DNAJC24: variants seen among roughly 807,000 people sequenced by gnomAD.
DNAJC24 encodes DnaJ heat shock protein family (Hsp40) member C24.
Under a neutral mutation model 18.0 loss-of-function variants are expected in DNAJC24, and 17 were observed. That is an observed-to-expected ratio of 0.94 (90% CI 0.65 to 1.42). DNAJC24 has a LOEUF of 1.42. Ranked by LOEUF, DNAJC24 falls within the 40% of genes most tolerant of loss-of-function variation. The probability of loss-of-function intolerance (pLI) is 0.00; values close to 1 mark genes in which losing one functional copy is unlikely to be tolerated. For synonymous variants in DNAJC24, 55 were observed against 57.7 expected, an observed-to-expected ratio of 0.95 and a Z score of 0.21; for missense variants, 158 against 175.6, an observed-to-expected ratio of 0.90 and a Z score of 0.57.
intron 2 of DNAJC24, among the ~76,000 whole-genome samples, chr11:31,400,294 A>G (rs966977992): frequency 1.3e-5 from 2 of 152,190 alleles, no homozygotes; most frequent in Non-Finnish European, 2.9e-5. Flanking sequence ...TTGCTGGGTC[A>G]AATGGTATTT....
At chr11:31,396,343 C>T (rs1277720538) in intron 2 of DNAJC24, 1 of 452,020 alleles carries the variant, frequency 2.2e-6, no homozygotes, top group East Asian at 7.0e-5. Flanking sequence ...TGACCCTCTT[C>T]ACTTACAAGG....
intron 4 of DNAJC24, among the ~76,000 whole-genome samples, chr11:31,429,289 A>G (rs1952895433): frequency 6.6e-6 from 1 of 151,730 alleles, no homozygotes. Flanking sequence ...GCTGAACTTG[A>G]TAAGAGAGCA....
At chr11:31,421,670 G>T (rs1483534300) in intron 3 of DNAJC24, among the ~76,000 whole-genome samples, 2 of 152,116 alleles carry the variant, frequency 1.3e-5, no homozygotes, top group South Asian at 2.1e-4. Flanking sequence ...GATAGAAAAG[G>T]TTTCCTGGGA....
chr11:31,378,370 T>C (rs1952339491), intron 2 of DNAJC24, among the ~76,000 whole-genome samples: 1 of 151,872 alleles, frequency 6.6e-6, no homozygotes, highest in Admixed American at 6.6e-5. Flanking sequence ...GGAGACTCTA[T>C]CATAAACAAT....
At chr11:31,425,060 C>T (rs1441453364) in intron 3 of DNAJC24, among the ~76,000 whole-genome samples, 1 of 151,876 alleles carries the variant, frequency 6.6e-6, no homozygotes, top group Non-Finnish European at 1.5e-5. Context: ...AAGACAAATG[C>T]TTCCCATCTT....
chr11:31,426,937 T>G (rs1487326985), intron 4 of DNAJC24: 1 of 152,062 alleles, frequency 6.6e-6, no homozygotes, highest in Non-Finnish European at 1.5e-5. Context: ...ATTTTAGAAC[T>G]TAAATTCAAT....
At chr11:31,372,159 A>G (rs1257565758) in intron 2 of DNAJC24, among the ~76,000 whole-genome samples, 1 of 151,838 alleles carries the variant, frequency 6.6e-6, no homozygotes, top group Non-Finnish European at 1.5e-5. Flanking sequence ...AGTATTTGTA[A>G]ATATATCTCT....
intron 2 of DNAJC24, among the ~76,000 whole-genome samples, chr11:31,395,460 G>T (rs1952535463): frequency 1.3e-5 from 2 of 152,048 alleles, no homozygotes; most frequent in African/African-American, 4.8e-5. Context: ...AGTTGTTTGA[G>T]GAACCACCAA....
At chr11:31,388,032 C>T (rs565016043) in intron 2 of DNAJC24, among the ~76,000 whole-genome samples, 81 of 151,810 alleles carry the variant, frequency 5.3e-4, no homozygotes, top group Middle Eastern at 6.8e-3. Flanking sequence ...AATTAGTGAG[C>T]TTGAAGACAG....
At chr11:31,394,346 T>C (rs1485799686) in intron 2 of DNAJC24, among the ~76,000 whole-genome samples, 1 of 152,188 alleles carries the variant, frequency 6.6e-6, no homozygotes, top group East Asian at 1.9e-4. Flanking sequence ...ACTCAAGTTT[T>C]TCACCACTCT....
At chr11:31,399,659 G>A (rs542681697) in intron 2 of DNAJC24, among the ~76,000 whole-genome samples, 2 of 147,716 alleles carry the variant, frequency 1.4e-5, no homozygotes, top group Non-Finnish European at 3.0e-5. Context: ...TGATCTGCCC[G>A]CCTCGGCCTC....
chr11:31,379,148 GC>G (rs558355582), intron 2 of DNAJC24, among the ~76,000 whole-genome samples: 2 of 152,026 alleles, frequency 1.3e-5, no homozygotes, highest in East Asian at 3.9e-4. Context: ...CCCAGTCCCC[GC>G]GCTGCAAACC....
intron 2 of DNAJC24, among the ~76,000 whole-genome samples, chr11:31,413,404 C>A (rs1325690018): frequency 6.9e-6 from 1 of 145,630 alleles, no homozygotes; most frequent in Admixed American, 7.0e-5. Context: ...AATCTCAGCT[C>A]ACTGCAAGCT....
chr11:31,419,143 A>G (rs528227178), intron 3 of DNAJC24, among the ~76,000 whole-genome samples: 2 of 152,128 alleles, frequency 1.3e-5, no homozygotes, highest in Non-Finnish European at 2.9e-5. Flanking sequence ...TGACCCTTAC[A>G]AAATACTTGA....
rs1410502325 is a variant in DNAJC24, at chr11:31,369,915, A to T, written c.-34+3A>T. On this transcript the variant is annotated splice_donor_region_variant and intron_variant, in intron 1 of 4. Transcript: ENST00000465995. ...TAGCAGCGCCTATGTGAAGTTAGGTAGGTCTGATGTCGTATAAAGCGCGGA... is the reference window on the plus strand; with the variant it reads ...TAGCAGCGCCTATGTGAAGTTAGGTTGGTCTGATGTCGTATAAAGCGCGGA... 2 of 152,530 alleles carry T rather than the reference A, an allele frequency of 1.3e-5. No individual in the cohort carries two copies. The highest frequency in any genetic ancestry group is 4.8e-5 in the African/African-American group (2 of 41,432). The allele number at this position is 152,530 out of a possible 1,614,324, so 9.4% of individuals were successfully genotyped here. A position where few individuals can be genotyped will look rare whatever the true frequency, so the allele number is the denominator to read the frequency against.
intron 2 of DNAJC24, among the ~76,000 whole-genome samples, chr11:31,402,813 C>T (rs948477776): frequency 6.6e-6 from 1 of 152,146 alleles, no homozygotes; most frequent in African/African-American, 2.4e-5. Context: ...CCTGGTTCCA[C>T]TTTATAAAGT....
intron 2 of DNAJC24, among the ~76,000 whole-genome samples, chr11:31,397,436 A>G (rs1952552292): frequency 1.3e-5 from 2 of 151,686 alleles, no homozygotes; most frequent in South Asian, 2.1e-4. Context: ...TTACTAAGCA[A>G]TAGGTGGCAG....
chr11:31,407,698 A>T lies in DNAJC24; in HGVS notation c.112-7113A>T, dbSNP rs1296070491. On this transcript the variant is annotated intron_variant, in intron 2 of 4. Coordinates refer to ENST00000465995, the MANE Select transcript of DNAJC24 (RefSeq NM_181706.5). ...AGATCCCATCTCAAAAAAAAAAAAAAAAAAAAAAATATATATATATATATA... is the reference window on the plus strand; with the variant it reads ...AGATCCCATCTCAAAAAAAAAAAAATAAAAAAAAATATATATATATATATA... Among the ~76,000 whole-genome samples, 286 of 113,816 alleles carry T rather than the reference A, an allele frequency of 2.5e-3. 1 individual carries two copies. Among genetic ancestry groups the T allele is most frequent in the African/African-American group, 9.2e-3 (272 of 29,618 alleles). 74.7% of individuals were successfully genotyped at this position (113,816 alleles called of 152,430 possible).
intron 2 of DNAJC24, among the ~76,000 whole-genome samples, chr11:31,401,602 A>C (rs931313005): frequency 6.6e-6 from 1 of 152,046 alleles, no homozygotes; most frequent in Admixed American, 6.6e-5. Flanking sequence ...GAATCTCAGA[A>C]TCAATCTCTC....
Sources: allele counts gnomAD v4.1 joint callset (sites outside exome capture counted in the v4.1 genomes callset), GRCh38; gene constraint gnomAD v4.1.1; transcripts MANE v1.5; gene names NCBI Gene and HGNC (gene_info 2026-07-23, HGNC 2026-07-21).